Variants in PKHD1L1 observed in about 807,000 individuals in gnomAD.
The protein encoded by PKHD1L1 is fibrocystin-L.
In PKHD1L1, 434 loss-of-function variants were observed where a neutral mutation model predicts 462.9. The observed-to-expected ratio is 0.94, with a 90% CI of 0.87 to 1.02. The LOEUF is 1.02. Among genes scored for constraint, PKHD1L1 ranks in the 50% least tolerant of loss-of-function variants. The pLI is 0.00. For synonymous variants in PKHD1L1, 1,781 were observed against 1,750.0 expected (o/e 1.02, Z -0.44); for missense variants, 5,202 against 5,096.1 (o/e 1.02, Z -0.63).
intron 38 of PKHD1L1, among the ~76,000 whole-genome samples, chr8:109,446,192 T>C (rs1425847036): frequency 2.0e-5 from 3 of 152,204 alleles, no homozygotes; most frequent in Admixed American, 6.5e-5. Context: ...TAGGTTGATA[T>C]ATCTTCTTAG....
chr8:109,369,751 C>A (rs561594724), intron 2 of PKHD1L1, among the ~76,000 whole-genome samples: 10 of 152,162 alleles, frequency 6.6e-5, no homozygotes, highest in African/African-American at 2.4e-4. Flanking sequence ...CAAAGATAAG[C>A]AAAGTTGACA....
chr8:109,507,832 A>G lies in PKHD1L1; in HGVS notation c.11164A>G (p.Lys3722Glu). 1 of 1,613,610 alleles carries G rather than the reference A, an allele frequency of 6.2e-7. No individual in the cohort carries two copies. The highest frequency in any genetic ancestry group is 8.5e-7 in the Non-Finnish European group (1 of 1,179,678). The change falls in exon 69 of 78, where the codon AAG (lysine) becomes GAG (glutamate). Residue 3722 changes from lysine (K) to glutamate (E), a missense_variant. Coordinates refer to ENST00000378402, the MANE Select transcript of PKHD1L1 (RefSeq NM_177531.6). ...AGGAATTGGAGACTACAGAATTCCT[A>G]AGGCGATGCTCACATTCTTGAATGG... ...QVGIGDYRIP[K>E]AMLTFLNGSR...
At chr8:109,519,592 G>A (rs1484560597) in intron 73 of PKHD1L1, among the ~76,000 whole-genome samples, 1 of 151,998 alleles carries the variant, frequency 6.6e-6, no homozygotes, top group Non-Finnish European at 1.5e-5. Context: ...CTCTGATCTA[G>A]GTGTACCCCT....
intron 77 of PKHD1L1, among the ~76,000 whole-genome samples, chr8:109,527,604 T>C (rs2131049704): frequency 6.6e-6 from 1 of 152,324 alleles, no homozygotes; most frequent in South Asian, 2.1e-4. Context: ...TGCAGATTCT[T>C]AGCTTGAATT....
chr8:109,461,709 A>C (rs1236881748), intron 47 of PKHD1L1, 63 bp from the exon 48 acceptor site: 3 of 1,518,100 alleles, frequency 2.0e-6, no homozygotes, highest in Non-Finnish European at 2.7e-6. Flanking sequence ...AGTTATGAGA[A>C]AATCTTCAAT....
intron 6 of PKHD1L1, 81 bp downstream of exon 6, chr8:109,385,711 T>C: frequency 1.1e-6 from 1 of 871,620 alleles, no homozygotes; most frequent in Admixed American, 3.2e-5. Context: ...CCAATGATAT[T>C]AAATCCCATT....
At position 109,464,480 on chromosome 8, in the gene PKHD1L1, A is replaced by G. The variant is rs1343375686; in HGVS notation, c.7648A>G (p.Thr2550Ala). 2 of 1,613,804 alleles carry G rather than the reference A, an allele frequency of 1.2e-6. No individual in the cohort carries two copies. Among genetic ancestry groups the G allele is most frequent in the South Asian group, 1.1e-5 (1 of 91,086 alleles). Reference protein sequence around the residue: ...YNLAVFVQQSTSLLNDDVTPA... With the variant: ...YNLAVFVQQSASLLNDDVTPA... ...CTTGGCAGTATTTGTACAGCAAAGT[A>G]CCAGTCTTCTGAATGATGATGTGAC... The change falls in exon 49 of 78, where the codon ACC becomes GCC. Residue 2550 changes from threonine (T) to alanine (A), a missense_variant. Transcript: ENST00000378402.
intron 2 of PKHD1L1, among the ~76,000 whole-genome samples, chr8:109,377,288 G>T (rs1159392648): frequency 6.6e-6 from 1 of 152,068 alleles, no homozygotes; most frequent in Non-Finnish European, 1.5e-5. Context: ...AGCACTATTT[G>T]TCACATTGTA....
At chr8:109,471,376 G>A (rs1353207492) in intron 50 of PKHD1L1, among the ~76,000 whole-genome samples, 1 of 152,116 alleles carries the variant, frequency 6.6e-6, no homozygotes. Flanking sequence ...AATGCACAAA[G>A]ACAAGTAAAG....
At position 109,477,395 on chromosome 8, in the gene PKHD1L1, A is replaced by G. The variant is rs1361367912; in HGVS notation, c.9088A>G (p.Asn3030Asp). Residue 3030 changes from asparagine (N) to aspartate (D), a missense_variant and splice_region_variant, in exon 53 of 78, where the codon AAT becomes GAT. This residue lies in a region of PKHD1L1 where 4,497 missense variants were observed against 4,336.8 expected (regional missense o/e 1.04). Coordinates refer to ENST00000378402, the MANE Select transcript of PKHD1L1 (RefSeq NM_177531.6). Reference sequence around the variant, plus strand: ...TCCCAAGAAGCGACCAGCCACATATAAGTACATAGGCCTTTTGTAGTTGAT... The same window carrying G: ...TCCCAAGAAGCGACCAGCCACATATGAGTACATAGGCCTTTTGTAGTTGAT... ...PIPKKRPATY[N>D]LWSNDSFWQS... The G allele has an allele frequency of 6.2e-7, 1 of 1,610,864 alleles. No homozygotes were observed. The highest frequency in any genetic ancestry group is 8.5e-7 in the Non-Finnish European group (1 of 1,177,648).
chr8:109,436,970 C>T (rs1263941450), intron 30 of PKHD1L1, among the ~76,000 whole-genome samples: 3 of 152,226 alleles, frequency 2.0e-5, no homozygotes, highest in African/African-American at 7.2e-5. Flanking sequence ...GTCTGTAGTG[C>T]AATGGCACGA....
intron 41 of PKHD1L1, 79 bp from the exon 42 acceptor site, chr8:109,452,034 TGCAATAATACA>T: frequency 1.7e-6 from 2 of 1,186,290 alleles, no homozygotes; most frequent in Admixed American, 3.3e-5. Context: ...ATTTTTTTTT[TGCAATAATACA>T]TAGGAATAAA....
At chr8:109,493,841 T>C (rs1023427976) in intron 63 of PKHD1L1, 90 bp downstream of exon 63, 28 of 754,070 alleles carry the variant, frequency 3.7e-5, no homozygotes, top group Non-Finnish European at 3.6e-5. Context: ...TAATTCAATA[T>C]GTGATGTCTT....
Position 109,465,187 on chromosome 8 carries a change from G to C in PKHD1L1, c.8355G>C (p.Lys2785Asn). 6.2e-7 allele frequency: 1 copy of C among 1,613,724 alleles called. No individual in the cohort carries two copies. The highest frequency in any genetic ancestry group is 8.5e-7 in the Non-Finnish European group (1 of 1,179,760). Residue 2785 changes from lysine to asparagine, a missense_variant, in exon 49 of 78, where the codon AAG (lysine) becomes AAC (asparagine). Transcript: ENST00000378402. ...VDVQYSHTPNKAGFRWEHEMV... is the reference protein window; with the variant it reads ...VDVQYSHTPNNAGFRWEHEMV... ...TCCAGTATTCTCACACACCGAACAA[G>C]GCTGGCTTTCGCTGGGAACATGAAA... is the stretch of plus-strand genomic sequence containing the variant.
chr8:109,387,557 T>C (rs999410229), intron 6 of PKHD1L1, among the ~76,000 whole-genome samples: 1 of 152,164 alleles, frequency 6.6e-6, no homozygotes, highest in Non-Finnish European at 1.5e-5. Flanking sequence ...TTGCAAGGAT[T>C]AAACATCATA....
chr8:109,388,928 G>T, intron 7 of PKHD1L1, 151 bp from the exon 8 acceptor site: 1 of 500,976 alleles, frequency 2.0e-6, no homozygotes, highest in Non-Finnish European at 3.4e-6. Context: ...CAAAGTCTGG[G>T]AAATAGTTTT....
At chr8:109,366,357 C>G (rs552987739) in intron 2 of PKHD1L1, among the ~76,000 whole-genome samples, 1 of 152,186 alleles carries the variant, frequency 6.6e-6, no homozygotes, top group East Asian at 1.9e-4. Flanking sequence ...TGACTAAAAA[C>G]GTGTTCTCAT....
chr8:109,480,046 G>T lies in PKHD1L1; in HGVS notation c.9234G>T (p.Trp3078Cys). ...CATCAATGGAAAGACTCATTATTTGGGGGGTTCTAGAACTGGAAGATAAAT... is the reference window on the plus strand; with the variant it reads ...CATCAATGGAAAGACTCATTATTTGTGGGGTTCTAGAACTGGAAGATAAAT... Reference protein sequence around the residue: ...DMPSMERLIIWGVLELEDKYN... With the variant: ...DMPSMERLIICGVLELEDKYN... The change falls in exon 55 of 78, where the codon TGG (tryptophan) becomes TGT (cysteine). Residue 3078 changes from tryptophan (W) to cysteine (C), a missense_variant. Transcript: ENST00000378402. 1.3e-6 allele frequency: 2 copies of T among 1,594,116 alleles called. No homozygotes were observed. The highest frequency in any genetic ancestry group is 1.7e-6 in the Non-Finnish European group (2 of 1,171,700).
rs35840417 is a variant in PKHD1L1 at position 109,508,123 on chromosome 8, T to C, written c.11254T>C (p.Tyr3752His). 6.2e-7 allele frequency: 1 copy of C among 1,611,672 alleles called. No homozygotes were observed. The highest frequency in any genetic ancestry group is 8.5e-7 in the Non-Finnish European group (1 of 1,178,656). Reference sequence around the variant, plus strand: ...AATTATTAGAGATTCAACCTGTAAGTACCTTCCAGAGTGGCAGAGCTATCA... The same window carrying C: ...AATTATTAGAGATTCAACCTGTAAGCACCTTCCAGAGTGGCAGAGCTATCA... ...KGIIRDSTCK[Y>H]LPEWQSYQCF... Residue 3752 changes from tyrosine to histidine, a missense_variant, in exon 70 of 78, where the codon TAC becomes CAC. Physicochemically the swap from Tyr to His is moderately conservative, Grantham distance 83. Around this residue, in one of 3 missense-constraint regions of PKHD1L1, gnomAD observed 698 missense variants for 736.3 expected, o/e 0.95. Coordinates refer to ENST00000378402, the MANE Select transcript of PKHD1L1 (RefSeq NM_177531.6).
Sources: allele counts gnomAD v4.1 joint callset (sites outside exome capture counted in the v4.1 genomes callset), GRCh38; gene constraint gnomAD v4.1.1; regional missense constraint gnomAD v4.1.1; transcripts MANE v1.5; gene names NCBI Gene and HGNC (gene_info 2026-07-23, HGNC 2026-07-21).